NUDT3: variants seen among roughly 807,000 people sequenced by gnomAD.
NUDT3 encodes the protein diphosphoinositol polyphosphate phosphohydrolase 1.
Under a neutral mutation model 23.6 loss-of-function variants are expected in NUDT3, and 9 were observed. That is an observed-to-expected ratio of 0.38 (90% CI 0.23 to 0.66). The LOEUF is 0.66. Among genes scored for constraint, NUDT3 ranks in the 30% least tolerant of loss-of-function variants. The pLI is 0.52. For missense variants in NUDT3, 172 were observed against 218.5 expected (o/e 0.79, Z 1.34); for synonymous variants, 86 against 82.6 (o/e 1.04, Z -0.22).
rs149670056 is a variant in NUDT3, at chr6:34,302,306, C to T, written c.211-6621G>A. Among the ~76,000 whole-genome samples, 35 of 152,128 alleles carry T rather than the reference C, an allele frequency of 2.3e-4. No homozygotes were observed. The East Asian group carries it at 5.0e-3, about 22-fold the overall frequency. ...CAGCTTCCTTCTTGATACTTATGCT[C>T]TGTGGCAAATATTTTCTCCCAATCT... On this transcript the variant is annotated intron_variant, in intron 2 of 4. Transcript: ENST00000607016.
intron 1 of NUDT3, among the ~76,000 whole-genome samples, chr6:34,373,632 G>A (rs1764873052): frequency 6.6e-6 from 1 of 152,214 alleles, no homozygotes. Flanking sequence ...AGTATTTTAT[G>A]GCATTCAAAA....
chr6:34,385,996 G>A (rs1337829590), intron 1 of NUDT3, among the ~76,000 whole-genome samples: 1 of 152,122 alleles, frequency 6.6e-6, no homozygotes, highest in Non-Finnish European at 1.5e-5. Context: ...GTTCTTTTCT[G>A]AACTCAAAGT....
At chr6:34,373,262 G>A (rs759624331) in intron 1 of NUDT3, among the ~76,000 whole-genome samples, 54 of 108,992 alleles carry the variant, frequency 5.0e-4, no homozygotes, top group Non-Finnish European at 7.5e-4. Context: ...CTGGGCGACT[G>A]AGAAAGACTC....
In NUDT3 at chr6:34,287,895, C is replaced by A. The variant is rs1399170447; in HGVS notation, c.*858G>T. The stretch of plus-strand genomic sequence containing the variant: ...ATGTGGGGCAGAATTCAATTTCTAT[C>A]ATTGTTTTTACAGATCTGGGCTGAG... On this transcript the variant is annotated 3_prime_UTR_variant, in exon 5 of 5. Coordinates refer to ENST00000607016, the MANE Select transcript of NUDT3 (RefSeq NM_006703.4). The A allele has an allele frequency of 1.3e-5, 2 of 152,092 alleles. No individual in the cohort carries two copies. Among genetic ancestry groups the A allele is most frequent in the African/African-American group, 4.8e-5 (2 of 41,388 alleles). The allele number at this position is 152,092 out of a possible 1,614,324, so 9.4% of individuals were successfully genotyped here.
chr6:34,387,753 G>A (rs1190052625), intron 1 of NUDT3, among the ~76,000 whole-genome samples: 3 of 80,852 alleles, frequency 3.7e-5, no homozygotes, highest in Admixed American at 1.1e-4. Flanking sequence ...GCTGTACAAT[G>A]TGTTTTAAGC....
chr6:34,297,034 C>T (rs1470346579), intron 2 of NUDT3, among the ~76,000 whole-genome samples: 3 of 150,906 alleles, frequency 2.0e-5, no homozygotes, highest in Admixed American at 6.6e-5. Context: ...CGGGTTCAAG[C>T]GATTCTCCCA....
chr6:34,352,486 T>C (rs1376353768), intron 1 of NUDT3, among the ~76,000 whole-genome samples: 4 of 152,192 alleles, frequency 2.6e-5, no homozygotes, highest in Non-Finnish European at 5.9e-5. Flanking sequence ...CTTATTTTAA[T>C]AAACAAAGCC....
chr6:34,302,719 G>A (rs551619700), intron 2 of NUDT3, among the ~76,000 whole-genome samples: 6 of 152,234 alleles, frequency 3.9e-5, no homozygotes, highest in East Asian at 3.9e-4. Flanking sequence ...GTGACAGAGC[G>A]AGAGACTCCG....
intron 2 of NUDT3, among the ~76,000 whole-genome samples, chr6:34,319,006 T>G (rs1015504607): frequency 4.0e-5 from 6 of 150,354 alleles, no homozygotes; most frequent in African/African-American, 7.4e-5. Flanking sequence ...AGAGGAGAGA[T>G]AGGGCTTTTC....
At chr6:34,349,185 G>A (rs1345285342) in intron 1 of NUDT3, among the ~76,000 whole-genome samples, 1 of 152,110 alleles carries the variant, frequency 6.6e-6, no homozygotes, top group East Asian at 1.9e-4. Flanking sequence ...TTTTAGAAAG[G>A]TTACTTTGAC....
At chr6:34,351,747 A>C in intron 1 of NUDT3, among the ~76,000 whole-genome samples, 1 of 139,172 alleles carries the variant, frequency 7.2e-6, no homozygotes, top group South Asian at 2.2e-4. Flanking sequence ...GTCTCAAAAA[A>C]AAAAAAAAAA....
chr6:34,360,862 A>G (rs1561918398), intron 1 of NUDT3, among the ~76,000 whole-genome samples: 1 of 150,616 alleles, frequency 6.6e-6, no homozygotes, highest in Non-Finnish European at 1.5e-5. Flanking sequence ...GACATTTAAA[A>G]TTCAACAATA....
At chr6:34,355,612 AT>A (rs1419308531) in intron 1 of NUDT3, among the ~76,000 whole-genome samples, 1 of 140,874 alleles carries the variant, frequency 7.1e-6, no homozygotes, top group Non-Finnish European at 1.5e-5. Flanking sequence ...AAGTAAAGAA[AT>A]TGTGTAGAAT....
chr6:34,325,220 A>G (rs1764007026), intron 2 of NUDT3, among the ~76,000 whole-genome samples: 1 of 151,022 alleles, frequency 6.6e-6, no homozygotes, highest in African/African-American at 2.4e-5. Context: ...ACTTTATATA[A>G]TGAATTTTTT....
chr6:34,297,732 TATATA>T (rs1162611312), intron 2 of NUDT3, among the ~76,000 whole-genome samples: 2 of 27,758 alleles, frequency 7.2e-5, no homozygotes, highest in Non-Finnish European at 1.5e-4. Context: ...AAAAAAAAAA[TATATA>T]TATATATATA....
At chr6:34,370,707 G>A (rs1168058679) in intron 1 of NUDT3, among the ~76,000 whole-genome samples, 1 of 152,170 alleles carries the variant, frequency 6.6e-6, no homozygotes, top group African/African-American at 2.4e-5. Flanking sequence ...GCACCTCTGG[G>A]TGAATTCTCA....
intron 2 of NUDT3, among the ~76,000 whole-genome samples, chr6:34,325,048 G>C (rs1463005651): frequency 6.6e-6 from 1 of 152,132 alleles, no homozygotes; most frequent in African/African-American, 2.4e-5. Flanking sequence ...GAGAAGGAAG[G>C]CCCTTTCTAA....
At chr6:34,292,110 C>T (rs577246919) in intron 4 of NUDT3, among the ~76,000 whole-genome samples, 33 of 152,320 alleles carry the variant, frequency 2.2e-4, no homozygotes, top group African/African-American at 7.5e-4. Flanking sequence ...AGAGAGTGCT[C>T]TGAGGATAGG....
chr6:34,362,357 G>T lies in NUDT3; in HGVS notation c.100-20385C>A, dbSNP rs188338378. Among the ~76,000 whole-genome samples the T allele has an allele frequency of 4.7e-3, 710 of 152,088 alleles. 7 individuals carry two copies. The highest frequency in any genetic ancestry group is 0.016 in the African/African-American group (663 of 41,476). ...CCACACCTGGCTAATTTTATTTTTT[G>T]TAGAGATGGGGTCTTGCTACATTGC... On this transcript the variant is annotated intron_variant, in intron 1 of 4. Coordinates refer to ENST00000607016, the MANE Select transcript of NUDT3 (RefSeq NM_006703.4).
Sources: gnomAD v4.1 joint callset for allele counts (sites outside exome capture counted in the v4.1 genomes callset) on GRCh38, gnomAD v4.1.1 for gene constraint, MANE v1.5 for transcripts, NCBI Gene and HGNC (gene_info 2026-07-23, HGNC 2026-07-21) for gene names.